SGIP1: variants seen among roughly 807,000 people sequenced by gnomAD.
SGIP1 encodes SH3-containing GRB2-like protein 3-interacting protein 1.
A neutral mutation model predicts 107.5 loss-of-function variants in SGIP1; 38 were observed. The observed-to-expected ratio is 0.35, with a 90% CI of 0.27 to 0.46. The LOEUF (loss-of-function observed/expected upper bound fraction) is 0.46, where lower values mean the gene tolerates loss of function less well. Among genes scored for constraint, SGIP1 ranks in the 20% least tolerant of loss-of-function variants. The pLI is 1.00. For missense variants in SGIP1, 929 were observed against 1,019.5 expected (o/e 0.91, Z 1.21); for synonymous variants, 365 against 366.1 (o/e 1.00, Z 0.03).
intron 20 of SGIP1, among the ~76,000 whole-genome samples, chr1:66,729,956 C>T (rs2093932554): frequency 6.6e-6 from 1 of 152,054 alleles, no homozygotes; most frequent in African/African-American, 2.4e-5. Flanking sequence ...CGCCCACCAC[C>T]ACACCTGGCT....
At chr1:66,681,144 G>A (rs1283271163) in intron 14 of SGIP1, among the ~76,000 whole-genome samples, 2 of 152,104 alleles carry the variant, frequency 1.3e-5, no homozygotes, top group Admixed American at 6.5e-5. Flanking sequence ...CATTAAGCAG[G>A]TATATATGTA....
chr1:66,608,670 G>A (rs2067319270), intron 1 of SGIP1, among the ~76,000 whole-genome samples: 1 of 152,118 alleles, frequency 6.6e-6, no homozygotes, highest in Non-Finnish European at 1.5e-5. Context: ...TAATACTTAT[G>A]TTTAACTTTG....
chr1:66,670,999 C>T lies in SGIP1; in HGVS notation c.488C>T (p.Ala163Val). The T allele has an allele frequency of 7.3e-7, 1 of 1,379,174 alleles. No individual in the cohort carries two copies. The highest frequency in any genetic ancestry group is 1.4e-5 in the South Asian group (1 of 71,996). The allele number at this position is 1,379,174 out of a possible 1,614,324, so 85.4% of individuals were successfully genotyped here. The change falls in exon 10 of 25, where the codon GCA (alanine) becomes GTA (valine). Residue 163 changes from alanine (A) to valine (V), a missense_variant. This residue lies in a region of SGIP1 where 588 missense variants were observed against 588.6 expected (regional missense o/e 1.00). Transcript: ENST00000371037. ...VRKSPRRSPG[A>V]IKRNLSSEEV... is the part of the protein sequence containing the mutation. Reference sequence around the variant, plus strand: ...AGTGTCTATTTCTAATTCTAGGGTGCAATTAAAAGGAACTTATCCAGTAAG... The same window carrying T: ...AGTGTCTATTTCTAATTCTAGGGTGTAATTAAAAGGAACTTATCCAGTAAG...
intron 13 of SGIP1, among the ~76,000 whole-genome samples, chr1:66,678,939 C>T (rs1439257345): frequency 6.6e-6 from 1 of 152,130 alleles, no homozygotes; most frequent in Non-Finnish European, 1.5e-5. Flanking sequence ...GACAAGAAAA[C>T]ATACACTTAA....
At chr1:66,628,179 G>A (rs191770103) in intron 2 of SGIP1, among the ~76,000 whole-genome samples, 43 of 152,050 alleles carry the variant, frequency 2.8e-4, no homozygotes, top group African/African-American at 1.0e-3. Flanking sequence ...CCAAGTCTTT[G>A]CTATTGTGAA....
At chr1:66,623,133 G>A (rs2149286719) in intron 1 of SGIP1, among the ~76,000 whole-genome samples, 1 of 152,280 alleles carries the variant, frequency 6.6e-6, no homozygotes, top group East Asian at 1.9e-4. Flanking sequence ...TCTTCTGAAA[G>A]ATTCATTAAG....
At chr1:66,739,030 T>C (rs1261845391) in intron 21 of SGIP1, among the ~76,000 whole-genome samples, 1 of 152,050 alleles carries the variant, frequency 6.6e-6, no homozygotes, top group East Asian at 1.9e-4. Flanking sequence ...AGTTGCAGAA[T>C]CAGAACTCAC....
chr1:66,553,946 T>C (rs146607183), intron 1 of SGIP1, among the ~76,000 whole-genome samples: 2 of 152,272 alleles, frequency 1.3e-5, no homozygotes, highest in East Asian at 3.9e-4. Flanking sequence ...AGTGGTCACT[T>C]TCTGAGTGTC....
At chr1:66,535,322 G>C (rs532921696) in intron 1 of SGIP1, among the ~76,000 whole-genome samples, 2 of 152,278 alleles carry the variant, frequency 1.3e-5, no homozygotes, top group East Asian at 3.9e-4. Context: ...GCAGAAATTT[G>C]TCCCCAGCCT....
intron 21 of SGIP1, 111 bp from the exon 22 acceptor site, chr1:66,739,224 C>A: frequency 8.6e-7 from 1 of 1,157,138 alleles, no homozygotes; most frequent in Non-Finnish European, 1.2e-6. Context: ...CTTCACGGTG[C>A]CTCTCACTCA....
intron 19 of SGIP1, among the ~76,000 whole-genome samples, chr1:66,727,557 A>C (rs2093812793): frequency 6.6e-6 from 1 of 152,244 alleles, no homozygotes; most frequent in Admixed American, 6.5e-5. Context: ...GACAGGGTAT[A>C]TTCATACTAA....
At chr1:66,729,460 G>C in intron 20 of SGIP1, 41 bp downstream of exon 20, 1 of 1,611,894 alleles carries the variant, frequency 6.2e-7, no homozygotes, top group Non-Finnish European at 8.5e-7. Context: ...GATACATGTG[G>C]CTTAGTACTT....
chr1:66,635,763 G>T (rs565039698), intron 3 of SGIP1, among the ~76,000 whole-genome samples, 181 bp from the exon 4 acceptor site: 1 of 152,204 alleles, frequency 6.6e-6, no homozygotes, highest in Admixed American at 6.5e-5. Flanking sequence ...GCCTCATTAT[G>T]GGCCCCAAAG....
intron 14 of SGIP1, among the ~76,000 whole-genome samples, chr1:66,680,160 G>T (rs895478100): frequency 2.6e-5 from 4 of 152,124 alleles, no homozygotes; most frequent in African/African-American, 9.7e-5. Flanking sequence ...AAACTATCTA[G>T]TCTATGAAGA....
At chr1:66,715,445 A>C (rs952517970) in intron 18 of SGIP1, among the ~76,000 whole-genome samples, 1 of 151,994 alleles carries the variant, frequency 6.6e-6, no homozygotes, top group East Asian at 1.9e-4. Context: ...CCCAGAAGTT[A>C]ACATAGCTAG....
At chr1:66,545,392 C>G (rs1274978877) in intron 1 of SGIP1, among the ~76,000 whole-genome samples, 1 of 152,180 alleles carries the variant, frequency 6.6e-6, no homozygotes, top group Non-Finnish European at 1.5e-5. Context: ...TTCAGTGAAG[C>G]CTTCACATAT....
At chr1:66,636,077 C>G in intron 4 of SGIP1, 62 bp downstream of exon 4, 2 of 1,494,328 alleles carry the variant, frequency 1.3e-6, no homozygotes, top group Non-Finnish European at 9.2e-7. Context: ...GAGTAAAATC[C>G]CAATTTAAAA....
At chr1:66,712,836 G>A (rs1035879113) in intron 18 of SGIP1, among the ~76,000 whole-genome samples, 9 of 152,090 alleles carry the variant, frequency 5.9e-5, no homozygotes, top group East Asian at 5.8e-4. Context: ...ACAGAAAACC[G>A]CCTTTCAGAA....
intron 1 of SGIP1, among the ~76,000 whole-genome samples, chr1:66,574,683 G>A (rs560589462): frequency 1.5e-4 from 23 of 152,140 alleles, no homozygotes; most frequent in Non-Finnish European, 2.8e-4. Flanking sequence ...TCCCCTTCTC[G>A]GAACATTCAC....
Sources: gnomAD v4.1 joint callset for allele counts (sites outside exome capture counted in the v4.1 genomes callset) on GRCh38, gnomAD v4.1.1 for gene constraint, gnomAD v4.1.1 regional missense constraint, MANE v1.5 for transcripts, NCBI Gene and HGNC (gene_info 2026-07-23, HGNC 2026-07-21) for gene names.